NRCAM: variants seen among roughly 807,000 people sequenced by gnomAD.
NRCAM encodes the protein neuronal cell adhesion molecule, also known as NgCAM-related cell adhesion molecule.
A neutral mutation model predicts 156.5 loss-of-function variants in NRCAM; 83 were observed. That is an observed-to-expected ratio of 0.53 (90% CI 0.44 to 0.64). The LOEUF is 0.64. Ranked by LOEUF, NRCAM falls within the 30% of genes least tolerant of loss-of-function variation. The pLI is 0.00. For synonymous variants in NRCAM, 538 were observed against 563.9 expected, an observed-to-expected ratio of 0.95 and a Z score of 0.65; for missense variants, 1,417 against 1,597.3, an observed-to-expected ratio of 0.89 and a Z score of 1.92.
At chr7:108,219,061 C>A (rs113930966) in intron 11 of NRCAM, among the ~76,000 whole-genome samples, 203 of 152,178 alleles carry the variant, frequency 1.3e-3, no homozygotes, top group African/African-American at 4.6e-3. Context: ...CAAAAGCTCA[C>A]TCAAGGCTGC....
intron 2 of NRCAM, among the ~76,000 whole-genome samples, chr7:108,339,947 G>A (rs1191734967): frequency 3.3e-5 from 5 of 152,166 alleles, no homozygotes; most frequent in Admixed American, 6.5e-5. Context: ...TCAAGGGGGA[G>A]AAACCTGGCC....
In NRCAM at chr7:108,197,919, T is replaced by C. The variant is rs2075997282; in HGVS notation, c.1351+37A>G. 3 of 1,502,448 alleles carry C rather than the reference T, an allele frequency of 2.0e-6. No individual in the cohort carries two copies. The South Asian group carries it at 4.0e-5, about 20-fold the overall frequency. 93.1% of individuals were successfully genotyped at this position (1,502,448 alleles called of 1,614,324 possible). A position where few individuals can be genotyped will look rare whatever the true frequency, so the allele number is the denominator to read the frequency against. On this transcript the variant is annotated intron_variant, in intron 14 of 32. Transcript: ENST00000379028. ...AACAGAAAATAACAGCAGTCATTAA[T>C]TTAATTTGCCATGTCTTTAATAAAA... is the stretch of plus-strand genomic sequence containing the variant.
chr7:108,388,741 G>T (rs1040180230), intron 2 of NRCAM, among the ~76,000 whole-genome samples: 1 of 152,160 alleles, frequency 6.6e-6, no homozygotes, highest in Non-Finnish European at 1.5e-5. Context: ...TTTGTATAAG[G>T]TGTAAGGAAG....
At chr7:108,316,329 T>C (rs2098920047) in intron 2 of NRCAM, among the ~76,000 whole-genome samples, 1 of 152,222 alleles carries the variant, frequency 6.6e-6, no homozygotes, top group Admixed American at 6.5e-5. Flanking sequence ...GATGCAGGCC[T>C]CTTGAACTTG....
intron 1 of NRCAM, among the ~76,000 whole-genome samples, chr7:108,454,424 C>T (rs1854133885): frequency 6.6e-6 from 1 of 152,208 alleles, no homozygotes; most frequent in Non-Finnish European, 1.5e-5. Context: ...GGGAAAGTTA[C>T]TTGGTTTCTC....
In NRCAM at chr7:108,274,059, T is replaced by G. The variant is rs535152515; in HGVS notation, c.-106-33889A>C. Reference sequence around the variant, plus strand: ...CAAAGATTAGATGGTGGTAGATGTGTGGTGTTATTTCTGAGGTCTCTGTTC... The same window carrying G: ...CAAAGATTAGATGGTGGTAGATGTGGGGTGTTATTTCTGAGGTCTCTGTTC... On this transcript the variant is annotated intron_variant, in intron 3 of 32. Transcript: ENST00000379028. Among the ~76,000 whole-genome samples the G allele has an allele frequency of 1.2e-4, 19 of 152,274 alleles. 1 individual carries two copies. Among genetic ancestry groups the G allele is most frequent in the African/African-American group, 4.1e-4 (17 of 41,570 alleles).
At chr7:108,431,288 T>G (rs1824761560) in intron 1 of NRCAM, among the ~76,000 whole-genome samples, 1 of 152,160 alleles carries the variant, frequency 6.6e-6, no homozygotes, top group Admixed American at 6.5e-5. Flanking sequence ...ACCGTGCCAC[T>G]TCCACTGCCA....
intron 3 of NRCAM, among the ~76,000 whole-genome samples, chr7:108,245,897 C>T (rs929767239): frequency 6.6e-6 from 1 of 152,080 alleles, no homozygotes; most frequent in African/African-American, 2.4e-5. Context: ...GAAAATAGAA[C>T]AATATGAGGC....
intron 2 of NRCAM, among the ~76,000 whole-genome samples, chr7:108,384,719 A>G (rs2395964): frequency 0.95 from 144,253 of 152,292 alleles, 68,375 homozygotes; most frequent in East Asian, 1. Flanking sequence ...GGTAGGACCC[A>G]CAACTTTGCT....
chr7:108,387,923 G>A (rs1304811651), intron 2 of NRCAM, among the ~76,000 whole-genome samples: 9 of 152,160 alleles, frequency 5.9e-5, no homozygotes, highest in Non-Finnish European at 1.2e-4. Flanking sequence ...ATTCCATGGT[G>A]TATATGTGCC....
At chr7:108,393,626 C>G (rs2154380578) in intron 2 of NRCAM, among the ~76,000 whole-genome samples, 1 of 152,276 alleles carries the variant, frequency 6.6e-6, no homozygotes, top group East Asian at 1.9e-4. Context: ...GTGAGATGAA[C>G]CCAGTACCTA....
chr7:108,204,328 T>G (rs1048070261), intron 13 of NRCAM, among the ~76,000 whole-genome samples: 1 of 152,224 alleles, frequency 6.6e-6, no homozygotes, highest in Non-Finnish European at 1.5e-5. Context: ...GTTGAAGACT[T>G]AGCATCCACC....
intron 2 of NRCAM, among the ~76,000 whole-genome samples, chr7:108,395,399 T>G (rs2099773968): frequency 6.6e-6 from 1 of 152,220 alleles, no homozygotes; most frequent in Non-Finnish European, 1.5e-5. Flanking sequence ...GCCCACGAAT[T>G]GCTGAGGTAA....
chr7:108,233,261 C>T (rs2094529445), intron 6 of NRCAM, among the ~76,000 whole-genome samples: 1 of 152,106 alleles, frequency 6.6e-6, no homozygotes, highest in Admixed American at 6.6e-5. Context: ...TGGCCATGCT[C>T]ATACAAAGGT....
chr7:108,394,715 A>G (rs563231420), intron 2 of NRCAM, among the ~76,000 whole-genome samples: 110 of 152,242 alleles, frequency 7.2e-4, no homozygotes, highest in Non-Finnish European at 1.0e-3. Context: ...TCTATCAATA[A>G]TGTACATGTC....
intron 3 of NRCAM, among the ~76,000 whole-genome samples, chr7:108,286,480 GA>G (rs1011313483): frequency 8.6e-5 from 13 of 151,022 alleles, no homozygotes; most frequent in South Asian, 2.1e-4. Context: ...GAAGAAAGCG[GA>G]AAAAAAAGGA....
At chr7:108,270,679 A>G (rs1174175684) in intron 3 of NRCAM, among the ~76,000 whole-genome samples, 1 of 152,248 alleles carries the variant, frequency 6.6e-6, no homozygotes, top group Non-Finnish European at 1.5e-5. Context: ...ACTGTGGTAT[A>G]TGGTTTCCAC....
At chr7:108,370,512 A>T (rs1361495792) in intron 2 of NRCAM, among the ~76,000 whole-genome samples, 2 of 152,180 alleles carry the variant, frequency 1.3e-5, no homozygotes, top group African/African-American at 2.4e-5. Context: ...TAAATAGAAG[A>T]AGAATATTTG....
At chr7:108,239,038 T>C (rs969951204) in intron 4 of NRCAM, among the ~76,000 whole-genome samples, 2 of 152,126 alleles carry the variant, frequency 1.3e-5, no homozygotes, top group Non-Finnish European at 2.9e-5. Flanking sequence ...AGATATTCTA[T>C]TCAGGAAGCT....
Sources: gnomAD v4.1 joint callset for allele counts (sites outside exome capture counted in the v4.1 genomes callset) on GRCh38, gnomAD v4.1.1 for gene constraint, MANE v1.5 for transcripts, NCBI Gene and HGNC (gene_info 2026-07-23, HGNC 2026-07-21) for gene names.